The following NEXMIF variants were observed in gnomAD, a reference collection of about 807,000 sequenced individuals.
NEXMIF encodes the protein neurite extension and migration factor.
NEXMIF carries 8 observed loss-of-function variants against 62.1 expected under a neutral mutation model. The observed-to-expected ratio is 0.13, with a 90% CI of 0.08 to 0.23. NEXMIF has a LOEUF of 0.23. Ranked by LOEUF, NEXMIF falls within the 10% of genes least tolerant of loss-of-function variation. The probability of loss-of-function intolerance (pLI) is 1.00; values close to 1 mark genes in which losing one functional copy is unlikely to be tolerated. For synonymous variants in NEXMIF, 404 were observed against 416.6 expected, an observed-to-expected ratio of 0.97 and a Z score of 0.37; for missense variants, 976 against 1,113.3, an observed-to-expected ratio of 0.88 and a Z score of 1.75.
At chrX:74,821,727 T>TTG (rs767216273) in intron 1 of NEXMIF, among the ~76,000 whole-genome samples, 85 of 109,051 alleles carry the variant, frequency 7.8e-4, no homozygotes, top group South Asian at 2.3e-3. Context: ...GGGTTGAAAA[T>TTG]TGTGTGTGTG....
intron 1 of NEXMIF, among the ~76,000 whole-genome samples, chrX:74,837,405 C>A (rs771936629): frequency 5.4e-5 from 6 of 111,795 alleles, no homozygotes; most frequent in Non-Finnish European, 9.4e-5. Context: ...TATATACCAG[C>A]AAACATAAGG....
intron 1 of NEXMIF, among the ~76,000 whole-genome samples, chrX:74,856,495 C>A (rs904303996): frequency 1.8e-5 from 2 of 110,860 alleles, no homozygotes; most frequent in Admixed American, 9.6e-5. Flanking sequence ...AGAAAAAGGA[C>A]GAAAAGAATA....
At chrX:74,784,702 G>A (rs753314366) in intron 1 of NEXMIF, among the ~76,000 whole-genome samples, 2 of 110,378 alleles carry the variant, frequency 1.8e-5, no homozygotes, top group African/African-American at 6.6e-5. Flanking sequence ...TGCTCAAATC[G>A]TATACATTTT....
chrX:74,913,955 A>C (rs1056530995), intron 1 of NEXMIF, among the ~76,000 whole-genome samples: 1 of 112,473 alleles, frequency 8.9e-6, no homozygotes, highest in Non-Finnish European at 1.9e-5. Flanking sequence ...GAAATCTAGA[A>C]ACCTCAGAAA....
At chrX:74,887,744 C>T (rs181655367) in intron 1 of NEXMIF, among the ~76,000 whole-genome samples, 194 of 111,853 alleles carry the variant, frequency 1.7e-3, no homozygotes, top group African/African-American at 6.0e-3. Context: ...TGTGGTGATT[C>T]CTCAGGGATC....
At chrX:74,796,148 TA>T (rs2080306697) in intron 1 of NEXMIF, among the ~76,000 whole-genome samples, 1 of 75,672 alleles carries the variant, frequency 1.3e-5, no homozygotes, top group Admixed American at 2.0e-4. Flanking sequence ...ATATATTATA[TA>T]TATACATATA....
chrX:74,891,524 C>T (rs2080717854), intron 1 of NEXMIF, among the ~76,000 whole-genome samples: 1 of 111,746 alleles, frequency 8.9e-6, no homozygotes, highest in Non-Finnish European at 1.9e-5. Flanking sequence ...CAGTGAAAGG[C>T]GTTGTGAAGT....
chrX:74,765,989 C>T (rs1308689960), intron 1 of NEXMIF, among the ~76,000 whole-genome samples: 4 of 104,595 alleles, frequency 3.8e-5, no homozygotes, highest in African/African-American at 1.4e-4. Context: ...TGCAGTGAGC[C>T]GAGATCGCAC....
chrX:74,819,679 A>G (rs149542474), intron 1 of NEXMIF, among the ~76,000 whole-genome samples: 7,039 of 111,964 alleles, frequency 0.063, 225 homozygotes, highest in Admixed American at 0.11. Flanking sequence ...TTAAAAAGTC[A>G]GGAAAGAACA....
At chrX:74,829,454 TGATA>T (rs1364915439) in intron 1 of NEXMIF, among the ~76,000 whole-genome samples, 1 of 112,302 alleles carries the variant, frequency 8.9e-6, no homozygotes, top group Admixed American at 9.4e-5. Flanking sequence ...ATTCATCTGT[TGATA>T]GACACTTAGG....
rs1295437662 is a variant in NEXMIF at position 74,741,283 on chromosome X, G to A, written c.3274C>T (p.Leu1092=). Residue 1092 remains leucine, a synonymous_variant, in exon 3 of 4, where the codon CTA becomes TTA. Transcript: ENST00000055682. ...QITRCESMKT[L]GTLKGFQEGV... The stretch of plus-strand genomic sequence containing the variant: ...TCTTGGAACCCCTTTAGTGTTCCTA[G>A]TGTCTTCATACTCTCACATCTGGTA... 1 of 1,210,992 alleles carries A rather than the reference G, an allele frequency of 8.3e-7. No homozygotes were observed. Among genetic ancestry groups the A allele is most frequent in the African/African-American group, 1.7e-5 (1 of 57,665 alleles).
In NEXMIF at chrX:74,760,946, C is replaced by T. The variant is rs191114907; in HGVS notation, c.-47-15249G>A. On this transcript the variant is annotated intron_variant, in intron 1 of 3. Coordinates refer to ENST00000055682, the MANE Select transcript of NEXMIF (RefSeq NM_001008537.3). ...GCAACGGCAAAATCTTGGCTCACTG[C>T]AACCTCCGCCTCCCTGGTTCAAGTG... Among the ~76,000 whole-genome samples, 519 of 109,902 alleles carry T rather than the reference C, an allele frequency of 4.7e-3. 4 individuals carry two copies. Among genetic ancestry groups the T allele is most frequent in the African/African-American group, 0.016 (497 of 30,136 alleles).
intron 1 of NEXMIF, among the ~76,000 whole-genome samples, chrX:74,850,455 G>T (rs892361428): frequency 2.7e-5 from 3 of 111,907 alleles, no homozygotes; most frequent in African/African-American, 6.5e-5. Context: ...AGCCTATGTT[G>T]CCCTGAGGCC....
chrX:74,834,473 A>G (rs2080449775), intron 1 of NEXMIF, among the ~76,000 whole-genome samples: 1 of 111,713 alleles, frequency 9.0e-6, no homozygotes, highest in Admixed American at 9.5e-5. Flanking sequence ...TCCCTGTAGC[A>G]TTTGTTGTAG....
chrX:74,794,938 G>T (rs2080301407), intron 1 of NEXMIF, among the ~76,000 whole-genome samples: 1 of 111,942 alleles, frequency 8.9e-6, no homozygotes, highest in Admixed American at 9.5e-5. Context: ...ACCGTCTTCT[G>T]TGTTGCTCAC....
intron 1 of NEXMIF, among the ~76,000 whole-genome samples, chrX:74,832,598 G>A (rs1165566015): frequency 1.8e-5 from 2 of 111,342 alleles, no homozygotes; most frequent in African/African-American, 3.3e-5. Context: ...TTGATTTTTT[G>A]TATTGTTTTC....
chrX:74,754,453 C>T (rs187447376), intron 1 of NEXMIF, among the ~76,000 whole-genome samples: 40 of 107,710 alleles, frequency 3.7e-4, no homozygotes, highest in Admixed American at 3.2e-3. Context: ...AGATTACAGG[C>T]GCCTGACACC....
intron 1 of NEXMIF, among the ~76,000 whole-genome samples, chrX:74,789,335 T>C (rs1283713101): frequency 1.9e-5 from 2 of 106,223 alleles, no homozygotes; most frequent in South Asian, 4.5e-4. Flanking sequence ...TAGTATTCCA[T>C]GGTGTATATG....
intron 1 of NEXMIF, among the ~76,000 whole-genome samples, chrX:74,803,197 C>T (rs1460732294): frequency 9.0e-6 from 1 of 111,511 alleles, no homozygotes; most frequent in Non-Finnish European, 1.9e-5. Flanking sequence ...AATGTATCAA[C>T]ATTTAAGTGC....
Sources: gnomAD v4.1 joint callset for allele counts (sites outside exome capture counted in the v4.1 genomes callset) on GRCh38, gnomAD v4.1.1 for gene constraint, MANE v1.5 for transcripts, NCBI Gene and HGNC (gene_info 2026-07-23, HGNC 2026-07-21) for gene names.